The following SOX5 variants were observed in gnomAD, a reference collection of about 807,000 sequenced individuals.
The protein encoded by SOX5 is transcription factor SOX-5.
Under a neutral mutation model 92.0 loss-of-function variants are expected in SOX5, and 9 were observed. That is an observed-to-expected ratio of 0.10 (90% CI 0.06 to 0.17). The LOEUF (loss-of-function observed/expected upper bound fraction) is 0.17. SOX5 is among the 10% of genes least tolerant of loss of function. SOX5 has a pLI of 1.00. For missense variants in SOX5, 642 were observed against 944.5 expected (o/e 0.68, Z 4.20); for synonymous variants, 344 against 336.3 (o/e 1.02, Z -0.25).
rs148865562 is a variant in SOX5 at position 23,697,401 on chromosome 12, A to C, written c.811-31837T>G. 3.5e-3 allele frequency among the ~76,000 whole-genome samples: 526 copies of C among 152,234 alleles called. 2 individuals carry two copies. Among genetic ancestry groups the C allele is most frequent in the African/African-American group, 0.012 (492 of 41,562 alleles). On this transcript the variant is annotated intron_variant, in intron 6 of 14. Coordinates refer to ENST00000451604, the MANE Select transcript of SOX5 (RefSeq NM_006940.6). ...TTCCAGTTTTCTTTTGATTAGTGTT[A>C]ACTTGGTATATCTTTTTGCATTAAC...
At position 24,267,876 on chromosome 12, in the gene SOX5, T is replaced by G. The variant is rs12320069; in HGVS notation, c.-77+9340A>C. On this transcript the variant is annotated intron_variant, in intron 3 of 4. Coordinates refer to the SOX5 transcript ENST00000446891. ...TTCTCATCTGACTTTTAAAAAGTAA[T>G]AAAACTCAAATTGTCCCATAACTTT... Among the ~76,000 whole-genome samples, 1,051 of 152,304 alleles carry G rather than the reference T, an allele frequency of 6.9e-3. 13 individuals carry two copies. The highest frequency in any genetic ancestry group is 0.024 in the African/African-American group (983 of 41,576).
intron 3 of SOX5, among the ~76,000 whole-genome samples, chr12:23,819,925 T>C (rs562884527): frequency 1.3e-5 from 2 of 152,364 alleles, no homozygotes; most frequent in East Asian, 3.9e-4. Context: ...GAATAATTTA[T>C]AATCCTTTGG....
chr12:24,463,655 G>A (rs571659301), intron 1 of SOX5, among the ~76,000 whole-genome samples: 1 of 152,146 alleles, frequency 6.6e-6, no homozygotes, highest in Non-Finnish European at 1.5e-5. Context: ...ATTGGTGAAC[G>A]GCAAAATGCC....
chr12:24,008,839 T>G (rs971757175), intron 4 of SOX5, among the ~76,000 whole-genome samples: 6 of 152,236 alleles, frequency 3.9e-5, no homozygotes, highest in Middle Eastern at 3.4e-3. Flanking sequence ...TGGACTCACC[T>G]CCTCTTAAGA....
At chr12:24,389,590 T>C (rs1958784967) in intron 1 of SOX5, among the ~76,000 whole-genome samples, 1 of 152,236 alleles carries the variant, frequency 6.6e-6, no homozygotes, top group Admixed American at 6.5e-5. Flanking sequence ...CAATATTCCA[T>C]TGCATAGATA....
chr12:24,148,025 T>A (rs891831780), intron 4 of SOX5, among the ~76,000 whole-genome samples: 3 of 152,084 alleles, frequency 2.0e-5, no homozygotes, highest in Non-Finnish European at 4.4e-5. Flanking sequence ...CAATAAAAAC[T>A]CCTAGAGTTT....
chr12:24,401,978 C>T (rs1034218674), intron 1 of SOX5, among the ~76,000 whole-genome samples: 3 of 152,162 alleles, frequency 2.0e-5, no homozygotes, highest in East Asian at 3.9e-4. Flanking sequence ...TTACACCTAC[C>T]TCCTAATGCT....
At chr12:24,290,463 T>G (rs1333461379) in intron 2 of SOX5, among the ~76,000 whole-genome samples, 1 of 152,226 alleles carries the variant, frequency 6.6e-6, no homozygotes, top group African/African-American at 2.4e-5. Flanking sequence ...ACAATAGCAC[T>G]GATGAGGCGG....
rs138004559 is a variant in SOX5 at position 23,825,173 on chromosome 12, A to T, written c.481+20810T>A. Among the ~76,000 whole-genome samples, 1,299 of 152,282 alleles carry T rather than the reference A, an allele frequency of 8.5e-3. 9 individuals are homozygous for T. The highest frequency in any genetic ancestry group is 0.031 in the Middle Eastern group (9 of 294). On this transcript the variant is annotated intron_variant, in intron 3 of 14. Coordinates refer to ENST00000451604, the MANE Select transcript of SOX5 (RefSeq NM_006940.6). ...ACTGCAGCTAGCTCAGTGCCTGCCC[A>T]AACGGCTGTCCAGCTTTGTGCTTGA... is the stretch of plus-strand genomic sequence containing the variant.
intron 2 of SOX5, among the ~76,000 whole-genome samples, chr12:24,311,254 G>A (rs1949144409): frequency 6.6e-6 from 1 of 152,066 alleles, no homozygotes; most frequent in Non-Finnish European, 1.5e-5. Flanking sequence ...GTCCAATCAT[G>A]TTTTTCCATG....
chr12:23,825,436 G>A (rs967181223), intron 3 of SOX5, among the ~76,000 whole-genome samples: 3 of 152,168 alleles, frequency 2.0e-5, no homozygotes, highest in Non-Finnish European at 4.4e-5. Context: ...GAGATGAACC[G>A]GGTACCTCAG....
At chr12:24,191,910 C>A (rs764431241) in intron 4 of SOX5, among the ~76,000 whole-genome samples, 2 of 152,102 alleles carry the variant, frequency 1.3e-5, no homozygotes, top group Non-Finnish European at 2.9e-5. Flanking sequence ...CATACAGAAT[C>A]GAGATCAGGT....
In SOX5 at chr12:24,118,018, CAAAAAAA is replaced by C. The variant is rs964710930; in HGVS notation, c.-2+95318_-2+95324del. Among the ~76,000 whole-genome samples, 157 of 41,824 alleles carry C rather than the reference CAAAAAAA, an allele frequency of 3.8e-3. 1 individual carries two copies. Among genetic ancestry groups the C allele is most frequent in the African/African-American group, 0.01 (127 of 12,464 alleles). 27.4% of individuals were successfully genotyped at this position (41,824 alleles called of 152,430 possible). A position where few individuals can be genotyped will look rare whatever the true frequency, so the allele number is the denominator to read the frequency against. On this transcript the variant is annotated intron_variant, in intron 4 of 4. Coordinates refer to the SOX5 transcript ENST00000446891. ...TGGGGAACAGAGCGAGACTCTCATT[CAAAAAAA>C]AAAAAAAAAAAAAGAAAAAAAAAAT...
At chr12:23,901,387 C>T (rs1026630557) in intron 1 of SOX5, among the ~76,000 whole-genome samples, 2 of 152,110 alleles carry the variant, frequency 1.3e-5, no homozygotes, top group African/African-American at 4.8e-5. Flanking sequence ...ATTTTTTAAG[C>T]CACTATATTT....
chr12:23,980,894 G>A (rs554820116), intron 4 of SOX5, among the ~76,000 whole-genome samples: 18 of 152,198 alleles, frequency 1.2e-4, no homozygotes, highest in South Asian at 6.2e-4. Context: ...CTGGTTCTGC[G>A]TCCCCAGCAT....
chr12:24,353,881 C>T (rs1299322516), intron 2 of SOX5, among the ~76,000 whole-genome samples: 7 of 152,288 alleles, frequency 4.6e-5, no homozygotes, highest in African/African-American at 1.7e-4. Flanking sequence ...CCTCGTGATC[C>T]ACCTGCCTCA....
rs537670170 is a variant in SOX5 at position 23,665,480 on chromosome 12, G to A, written c.895C>T (p.Leu299Phe). The A allele has an allele frequency of 1.2e-6, 2 of 1,613,582 alleles. No individual in the cohort carries two copies. Among genetic ancestry groups the A allele is most frequent in the African/African-American group, 1.3e-5 (1 of 75,002 alleles). Reference protein sequence around the residue: ...TLAAAAQQGFLLPPGFSYKAG... With the variant: ...TLAAAAQQGFFLPPGFSYKAG... ...TTATAGCTGAAGCCTGGAGGGAGGA[G>A]GAATCCTTGCTGGGCAGCTGCAGCC... The change falls in exon 7 of 15, where the codon CTC (leucine) becomes TTC (phenylalanine). Residue 299 changes from leucine to phenylalanine, a missense_variant. By Grantham distance (22) the Leu-to-Phe change is conservative. Coordinates refer to ENST00000451604, the MANE Select transcript of SOX5 (RefSeq NM_006940.6).
At chr12:24,281,761 A>T (rs1945227615) in intron 2 of SOX5, among the ~76,000 whole-genome samples, 2 of 152,330 alleles carry the variant, frequency 1.3e-5, no homozygotes, top group South Asian at 2.1e-4. Flanking sequence ...CATGAGGGGG[A>T]TGGGGAAGGA....
Position 24,532,921 on chromosome 12 carries a change from C to G in SOX5, c.-251+29408G>C, listed in dbSNP as rs182781162. ...TAACCAGAAACTACATGACTTCTAA[C>G]TACTGGAAAACCACCAGTAGCCTCT... On this transcript the variant is annotated intron_variant, in intron 1 of 4. Coordinates refer to the SOX5 transcript ENST00000446891. Among the ~76,000 whole-genome samples, 92 of 152,290 alleles carry G rather than the reference C, an allele frequency of 6.0e-4. 1 individual carries two copies. The highest frequency in any genetic ancestry group is 3.4e-3 in the Middle Eastern group (1 of 294).
Sources: allele counts gnomAD v4.1 joint callset (sites outside exome capture counted in the v4.1 genomes callset), GRCh38; gene constraint gnomAD v4.1.1; transcripts MANE v1.5; gene names NCBI Gene and HGNC (gene_info 2026-07-23, HGNC 2026-07-21).